The following TBX5 variants were observed in gnomAD, a reference collection of about 807,000 sequenced individuals.
The protein encoded by TBX5 is T-box transcription factor 5.
TBX5 carries 8 observed loss-of-function variants against 51.1 expected under a neutral mutation model. That is an observed-to-expected ratio of 0.16 (90% CI 0.09 to 0.28). The LOEUF (loss-of-function observed/expected upper bound fraction) is 0.28, where lower values mean the gene tolerates loss of function less well. Ranked by LOEUF, TBX5 falls within the 10% of genes least tolerant of loss-of-function variation. The pLI is 1.00. For missense variants in TBX5, 589 were observed against 671.7 expected, an observed-to-expected ratio of 0.88 and a Z score of 1.36; for synonymous variants, 302 against 266.4, an observed-to-expected ratio of 1.13 and a Z score of -1.30.
rs530920048 is a variant in TBX5, at chr12:114,355,535, G to A, written c.1554C>T (p.Ser518=). 13 of 1,614,054 alleles carry A rather than the reference G, an allele frequency of 8.1e-6. No homozygotes were observed. Among genetic ancestry groups the A allele is most frequent in the Middle Eastern group, 3.3e-4 (2 of 6,062 alleles). ...VGMVPEWSDN[S] is the part of the protein sequence containing the mutation. ...CTGTTGTGAAGCAGGCCTCACTTTA[G>A]CTATTGTCGCTCCACTCTGGCACCA... The change falls in exon 9 of 9, where the codon AGC becomes AGT. Residue 518 remains serine (S), a synonymous_variant. Transcript: ENST00000405440.
chr12:114,374,536 A>G (rs1870089410), intron 7 of TBX5, among the ~76,000 whole-genome samples: 1 of 152,190 alleles, frequency 6.6e-6, no homozygotes, highest in African/African-American at 2.4e-5. Flanking sequence ...GAAATTCTAT[A>G]ACAGACAAAA....
intron 3 of TBX5, among the ~76,000 whole-genome samples, chr12:114,400,739 G>A (rs1045928074): frequency 9.2e-5 from 14 of 152,230 alleles, no homozygotes; most frequent in African/African-American, 3.4e-4. Context: ...CCTTCCTGGG[G>A]GAATAGGAAG....
At chr12:114,381,694 C>T (rs530417331) in intron 7 of TBX5, among the ~76,000 whole-genome samples, 7 of 152,288 alleles carry the variant, frequency 4.6e-5, no homozygotes, top group African/African-American at 1.4e-4. Context: ...AGGGCTCATA[C>T]TGATAAATGT....
chr12:114,408,125 C>G, upstream of TBX5: 1 of 985,442 alleles, frequency 1.0e-6, no homozygotes, highest in East Asian at 1.1e-4. Flanking sequence ...CGCAACCGGC[C>G]CGCGCGCTGT....
chr12:114,407,661 A>G (rs1872311586), upstream of TBX5: 2 of 672,566 alleles, frequency 3.0e-6, no homozygotes, highest in Non-Finnish European at 3.7e-6. Context: ...CATTCTTGCC[A>G]GGTGACACAC....
chr12:114,389,753 C>CAA (rs55649814), intron 6 of TBX5, among the ~76,000 whole-genome samples: 8 of 40,274 alleles, frequency 2.0e-4, no homozygotes, highest in African/African-American at 2.8e-4. Context: ...GACTCCGTCT[C>CAA]AAAAAAAAAA....
At chr12:114,376,324 G>C (rs1252204074) in intron 7 of TBX5, among the ~76,000 whole-genome samples, 1 of 151,902 alleles carries the variant, frequency 6.6e-6, no homozygotes, top group African/African-American at 2.4e-5. Context: ...AAATAAAGAA[G>C]GAAATCCTCT....
intron 8 of TBX5, among the ~76,000 whole-genome samples, chr12:114,358,307 T>C (rs1475424588): frequency 6.6e-6 from 1 of 152,212 alleles, no homozygotes; most frequent in Admixed American, 6.5e-5. Flanking sequence ...CAGTCTATCC[T>C]ACCATGAGCA....
intron 7 of TBX5, among the ~76,000 whole-genome samples, chr12:114,383,543 G>C (rs1293365372): frequency 6.6e-6 from 1 of 152,130 alleles, no homozygotes; most frequent in Non-Finnish European, 1.5e-5. Flanking sequence ...ACTGCAAAGA[G>C]AACTTGCCTG....
rs775035000 is a variant in TBX5, at chr12:114,394,901, TA to T, written c.511-9del. On this transcript the variant is annotated splice_polypyrimidine_tract_variant and intron_variant, in intron 5 of 8. Transcript: ENST00000405440. ...CATGGAATTTAGAATAATCTAAAAA[TA>T]ATAAAGAAAATGAGATTGTAAGAAA... 2 of 1,612,732 alleles carry T rather than the reference TA, an allele frequency of 1.2e-6. No homozygotes were observed. The highest frequency in any genetic ancestry group is 3.3e-5 in the Admixed American group (2 of 59,988).
chr12:114,384,449 T>A lies in TBX5; in HGVS notation c.755+1027A>T, dbSNP rs573228971. On this transcript the variant is annotated intron_variant, in intron 7 of 8. Coordinates refer to ENST00000405440, the MANE Select transcript of TBX5 (RefSeq NM_181486.4). ...TGCCACCTGGGCTAGCATTATTTTTTAAAAAGCTTGCAAAATTTGACCTGA... is the reference window on the plus strand; with the variant it reads ...TGCCACCTGGGCTAGCATTATTTTTAAAAAAGCTTGCAAAATTTGACCTGA... 3.3e-5 allele frequency among the ~76,000 whole-genome samples: 5 copies of A among 152,256 alleles called. No individual in the cohort carries two copies. In the South Asian group the frequency reaches 1.0e-3, roughly 32 times the overall value.
upstream of TBX5, chr12:114,408,335 G>C (rs1312139776): frequency 4.2e-6 from 2 of 481,576 alleles, no homozygotes; most frequent in East Asian, 1.5e-4. Flanking sequence ...TCTTAGGAAG[G>C]GGGAGAGGAG....
At chr12:114,390,383 T>C (rs1871088891) in intron 6 of TBX5, among the ~76,000 whole-genome samples, 2 of 152,246 alleles carry the variant, frequency 1.3e-5, no homozygotes, top group African/African-American at 4.8e-5. Flanking sequence ...TGAAACTGAC[T>C]TCTATTCACC....
upstream of TBX5, among the ~76,000 whole-genome samples, chr12:114,407,377 A>G (rs149973766): frequency 4.0e-4 from 61 of 152,356 alleles, no homozygotes; most frequent in African/African-American, 1.3e-3. Context: ...CCCTAGGCCG[A>G]AGACACGAAA....
intron 7 of TBX5, among the ~76,000 whole-genome samples, chr12:114,370,009 C>A (rs1029568562): frequency 6.6e-6 from 1 of 152,062 alleles, no homozygotes; most frequent in African/African-American, 2.4e-5. Context: ...AATTCCAGCA[C>A]TTTGGGAGGC....
intron 7 of TBX5, 55 bp from the exon 8 acceptor site, chr12:114,366,446 T>C: frequency 1.3e-6 from 2 of 1,574,838 alleles, no homozygotes; most frequent in Non-Finnish European, 1.7e-6. Flanking sequence ...ACAGATTTCC[T>C]GAGTGGCTGA....
chr12:114,372,124 G>T (rs775124321), intron 7 of TBX5, among the ~76,000 whole-genome samples: 21 of 152,222 alleles, frequency 1.4e-4, no homozygotes, highest in Non-Finnish European at 2.4e-4. Flanking sequence ...TGAGGGATGA[G>T]AAATTACTTA....
intron 6 of TBX5, among the ~76,000 whole-genome samples, chr12:114,389,454 T>A (rs1871024674): frequency 6.6e-6 from 1 of 151,848 alleles, no homozygotes; most frequent in Non-Finnish European, 1.5e-5. Flanking sequence ...GAGAAATAGA[T>A]CATTTAAAAG....
upstream of TBX5, chr12:114,407,698 A>G: frequency 3.3e-6 from 3 of 903,196 alleles, no homozygotes; most frequent in Non-Finnish European, 4.0e-6. Context: ...CGTTCATGAG[A>G]AGTAGCAGCA....
Sources: allele counts gnomAD v4.1 joint callset (sites outside exome capture counted in the v4.1 genomes callset), GRCh38; gene constraint gnomAD v4.1.1; transcripts MANE v1.5; gene names NCBI Gene and HGNC (gene_info 2026-07-23, HGNC 2026-07-21).